CDC27: variants seen among roughly 807,000 people sequenced by gnomAD.
CDC27 encodes cell division cycle protein 27 homolog.
In CDC27, 27 loss-of-function variants were observed where a neutral mutation model predicts 109.7. The observed-to-expected ratio is 0.25, with a 90% CI of 0.18 to 0.34. CDC27 has a LOEUF of 0.34. CDC27 is among the 10% of genes least tolerant of loss of function. CDC27 has a pLI of 1.00. For synonymous variants in CDC27, 266 were observed against 333.9 expected, an observed-to-expected ratio of 0.80 and a Z score of 2.22; for missense variants, 579 against 960.2, an observed-to-expected ratio of 0.60 and a Z score of 5.25.
chr17:47,189,265 G>A lies in CDC27; in HGVS notation c.-93C>T, dbSNP rs796155589. ...CCCCTGCTCATTTAAACTCACCAGC[G>A]ACCGTTACCGGGGGATGGGGGAGGC... On this transcript the variant is annotated 5_prime_UTR_variant, in exon 1 of 19. Coordinates refer to ENST00000066544, the MANE Select transcript of CDC27 (RefSeq NM_001256.6). 6 of 970,878 alleles carry A rather than the reference G, an allele frequency of 6.2e-6. No individual in the cohort carries two copies. Among genetic ancestry groups the A allele is most frequent in the Non-Finnish European group, 8.3e-6 (5 of 605,726 alleles). 60.1% of individuals were successfully genotyped at this position (970,878 alleles called of 1,614,324 possible). A position where few individuals can be genotyped will look rare whatever the true frequency, so the allele number is the denominator to read the frequency against.
intron 14 of CDC27, among the ~76,000 whole-genome samples, chr17:47,133,125 ATAT>A (rs2062440696): frequency 7.4e-6 from 1 of 134,520 alleles, no homozygotes; most frequent in Non-Finnish European, 1.6e-5. Flanking sequence ...ATATATATAT[ATAT>A]ATATATATAA....
chr17:47,166,430 C>T (rs1474167105), intron 4 of CDC27, among the ~76,000 whole-genome samples: 2 of 152,128 alleles, frequency 1.3e-5, no homozygotes, highest in East Asian at 3.9e-4. Flanking sequence ...CATCCTTTCA[C>T]TGTCCTCAGG....
intron 4 of CDC27, among the ~76,000 whole-genome samples, chr17:47,167,414 T>C (rs2063683084): frequency 1.3e-5 from 2 of 152,322 alleles, no homozygotes; most frequent in South Asian, 4.1e-4. Context: ...CTCAAATAAT[T>C]TGTAGTCTTT....
In CDC27 at chr17:47,157,085, A is replaced by C. The variant is rs2063332785; in HGVS notation, c.670T>G (p.Tyr224Asp). ...RLNLESSNSKYSLNTDSSVSY... is the reference protein window; with the variant it reads ...RLNLESSNSKDSLNTDSSVSY... ...ACTGAGGAATCTGTATTCAAGGAGT[A>C]CTTTGAATTGGAAGATTCTAAATTC... Residue 224 changes from tyrosine (Y) to aspartate (D), a missense_variant, in exon 7 of 19, where the codon TAC becomes GAC. Around this residue, in one of 9 missense-constraint regions of CDC27, gnomAD observed 57 missense variants for 59.0 expected, o/e 0.97. Coordinates refer to ENST00000066544, the MANE Select transcript of CDC27 (RefSeq NM_001256.6). 6.3e-7 allele frequency: 1 copy of C among 1,588,924 alleles called. No individual in the cohort carries two copies. Among genetic ancestry groups the C allele is most frequent in the African/African-American group, 1.4e-5 (1 of 73,998 alleles).
chr17:47,147,428 CAAA>C (rs112729209), intron 9 of CDC27, among the ~76,000 whole-genome samples: 3,874 of 134,716 alleles, frequency 0.029, 67 homozygotes, highest in Middle Eastern at 0.08. Flanking sequence ...AACAAACAAA[CAAA>C]AAAAAAAACA....
chr17:47,164,780 G>C (rs1444095293), intron 4 of CDC27, among the ~76,000 whole-genome samples: 1 of 152,186 alleles, frequency 6.6e-6, no homozygotes, highest in Non-Finnish European at 1.5e-5. Flanking sequence ...TTGTGCAACT[G>C]TACTCCAGCC....
chr17:47,130,232 A>G (rs1042775689), intron 15 of CDC27, among the ~76,000 whole-genome samples: 1 of 152,060 alleles, frequency 6.6e-6, no homozygotes, highest in African/African-American at 2.4e-5. Flanking sequence ...GTGGTGTCAC[A>G]CGCCTGTAGT....
At position 47,179,984 on chromosome 17, in the gene CDC27, C is replaced by G. The variant is rs142728727; in HGVS notation, c.103+1578G>C. Among the ~76,000 whole-genome samples the G allele has an allele frequency of 2.0e-3, 300 of 152,134 alleles. 1 individual carries two copies. Among genetic ancestry groups the G allele is most frequent in the African/African-American group, 6.9e-3 (288 of 41,492 alleles). Reference sequence around the variant, plus strand: ...AATACTAGAAATAGAAGACAGTGGCCGAGTACAGTGGCTCACATCTGTAAC... The same window carrying G: ...AATACTAGAAATAGAAGACAGTGGCGGAGTACAGTGGCTCACATCTGTAAC... On this transcript the variant is annotated intron_variant, in intron 2 of 18. Transcript: ENST00000066544.
chr17:47,184,805 T>G (rs2064369195), intron 1 of CDC27, among the ~76,000 whole-genome samples: 1 of 152,164 alleles, frequency 6.6e-6, no homozygotes, highest in South Asian at 2.1e-4. Flanking sequence ...CACTACAGAT[T>G]AGTAGCTGAT....
chr17:47,178,550 TAAGA>T (rs1161135101), intron 2 of CDC27, among the ~76,000 whole-genome samples: 2 of 41,346 alleles, frequency 4.8e-5, no homozygotes, highest in East Asian at 2.4e-3. Flanking sequence ...TAAATAAAAA[TAAGA>T]AAAAAAAAAA....
In CDC27 at chr17:47,118,942, G is replaced by C. The variant is rs540504663; in HGVS notation, c.*1993C>G. On this transcript the variant is annotated 3_prime_UTR_variant, in exon 19 of 19. Transcript: ENST00000066544. ...GGTCTCAAAAAATCAGTACCAGAAA[G>C]ACTCTCACCTCTGGCACATAAATTC... The C allele has an allele frequency of 6.6e-6, 1 of 152,250 alleles. No individual in the cohort carries two copies. Among genetic ancestry groups the C allele is most frequent in the Non-Finnish European group, 1.5e-5 (1 of 68,008 alleles). 9.4% of individuals were successfully genotyped at this position (152,250 alleles called of 1,614,324 possible).
At chr17:47,125,922 GT>G (rs1356422360) in intron 16 of CDC27, among the ~76,000 whole-genome samples, 5 of 152,112 alleles carry the variant, frequency 3.3e-5, no homozygotes, top group African/African-American at 1.2e-4. Flanking sequence ...GAATTGATAT[GT>G]TTTCTTTCTA....
chr17:47,159,410 G>A, intron 4 of CDC27: 1 of 1,000,926 alleles, frequency 1.0e-6, no homozygotes, highest in South Asian at 1.7e-5. Flanking sequence ...AGGTGTAGCA[G>A]TCATCGATAC....
intron 1 of CDC27, among the ~76,000 whole-genome samples, chr17:47,188,307 G>C (rs2064528317): frequency 6.6e-6 from 1 of 152,122 alleles, no homozygotes; most frequent in South Asian, 2.1e-4. Context: ...AGATGTCAGG[G>C]GGGAAAATGA....
Position 47,141,836 on chromosome 17 carries a change from C to G in CDC27, c.1551+17G>C, listed in dbSNP as rs767793820. On this transcript the variant is annotated intron_variant, in intron 12 of 18. Coordinates refer to ENST00000066544, the MANE Select transcript of CDC27 (RefSeq NM_001256.6). ...ATTATCTCTAGAAAGGCATATATAA[C>G]CATTTTCTATACTTACTTGCATGTA... is the stretch of plus-strand genomic sequence containing the variant. 9 of 1,526,052 alleles carry G rather than the reference C, an allele frequency of 5.9e-6. No individual in the cohort carries two copies. The highest frequency in any genetic ancestry group is 7.9e-6 in the Non-Finnish European group (9 of 1,132,376). 94.5% of individuals were successfully genotyped at this position (1,526,052 alleles called of 1,614,324 possible).
intron 5 of CDC27, among the ~76,000 whole-genome samples, chr17:47,157,739 C>G (rs926504181): frequency 5.3e-5 from 8 of 152,270 alleles, no homozygotes; most frequent in Middle Eastern, 6.8e-3. Context: ...TCATATTTTA[C>G]AGTAAAGGTT....
intron 2 of CDC27, among the ~76,000 whole-genome samples, chr17:47,173,619 T>C (rs989638879): frequency 1.3e-5 from 2 of 152,248 alleles, no homozygotes; most frequent in African/African-American, 2.4e-5. Flanking sequence ...TATTTGATTA[T>C]GTGTAGGTCC....
intron 2 of CDC27, among the ~76,000 whole-genome samples, chr17:47,179,449 G>A (rs1042078252): frequency 1.3e-5 from 2 of 152,140 alleles, no homozygotes; most frequent in African/African-American, 4.8e-5. Flanking sequence ...GCTACTCTTG[G>A]GAAAGCGGAA....
intron 14 of CDC27, among the ~76,000 whole-genome samples, chr17:47,133,879 G>A (rs1254077347): frequency 1.3e-5 from 2 of 152,028 alleles, no homozygotes; most frequent in Admixed American, 1.3e-4. Flanking sequence ...CTCCCAAGTA[G>A]CTGGGATTAC....
Sources: allele counts gnomAD v4.1 joint callset (sites outside exome capture counted in the v4.1 genomes callset), GRCh38; gene constraint gnomAD v4.1.1; regional missense constraint gnomAD v4.1.1; transcripts MANE v1.5; gene names NCBI Gene and HGNC (gene_info 2026-07-23, HGNC 2026-07-21).